Variants in DYNLRB1 observed in about 807,000 individuals in gnomAD.
The protein encoded by DYNLRB1 is dynein light chain roadblock-type 1.
DYNLRB1 carries 6 observed loss-of-function variants against 13.5 expected under a neutral mutation model. The ratio of observed to expected loss-of-function variants is 0.44; its 90% CI spans 0.24 to 0.88. The LOEUF (loss-of-function observed/expected upper bound fraction) is 0.88, where lower values mean the gene tolerates loss of function less well. DYNLRB1 is among the 40% of genes least tolerant of loss of function. The probability of loss-of-function intolerance (pLI) is 0.21; values close to 1 mark genes in which losing one functional copy is unlikely to be tolerated. For missense variants in DYNLRB1, 93 were observed against 127.2 expected, an observed-to-expected ratio of 0.73 and a Z score of 1.29; for synonymous variants, 43 against 45.0, an observed-to-expected ratio of 0.96 and a Z score of 0.18.
At position 34,540,284 on chromosome 20, in the gene DYNLRB1, A is replaced by G. The variant is rs199962410; in HGVS notation, c.248-297A>G. Among the ~76,000 whole-genome samples, 39 of 152,314 alleles carry G rather than the reference A, an allele frequency of 2.6e-4. No homozygotes were observed. The East Asian group carries it at 4.8e-3, about 19-fold the overall frequency. On this transcript the variant is annotated intron_variant, in intron 3 of 3. Coordinates refer to ENST00000357156, the MANE Select transcript of DYNLRB1 (RefSeq NM_014183.4). ...ACTGGAGTCCCCCCACCTGGAAAAC[A>G]GGGGTGAGAATCCTGCCTACCTGCT...
In DYNLRB1 at chr20:34,534,637, T is replaced by C; in HGVS notation, c.89T>C (p.Ile30Thr). Reference protein sequence around the residue: ...IIVVNTEGIPIKSTMDNPTTT... With the variant: ...IIVVNTEGIPTKSTMDNPTTT... ...TCTGCTCTCCCCTCAGGCATTCCCA[T>C]CAAGAGCACCATGGACAACCCCACC... The change falls in exon 3 of 4, where the codon ATC becomes ACC. Residue 30 changes from isoleucine (I) to threonine (T), a missense_variant. Ile to Thr is a moderately conservative substitution (Grantham distance 89). Transcript: ENST00000357156. 1 of 1,565,432 alleles carries C rather than the reference T, an allele frequency of 6.4e-7. No individual in the cohort carries two copies. The highest frequency in any genetic ancestry group is 8.7e-7 in the Non-Finnish European group (1 of 1,155,304).
chr20:34,536,347 G>A (rs1981139272), intron 3 of DYNLRB1: 1 of 985,366 alleles, frequency 1.0e-6, no homozygotes, highest in African/African-American at 1.7e-5. Context: ...CTGGTTGAGT[G>A]TGTTGACCTG....
intron 1 of DYNLRB1, among the ~76,000 whole-genome samples, chr20:34,525,585 G>A (rs951400528): frequency 6.6e-6 from 1 of 152,164 alleles, no homozygotes; most frequent in African/African-American, 2.4e-5. Context: ...AAGATGTAGA[G>A]ATAGGGAGGT....
chr20:34,537,358 A>G (rs1981227093), intron 3 of DYNLRB1, among the ~76,000 whole-genome samples: 1 of 152,184 alleles, frequency 6.6e-6, no homozygotes, highest in Non-Finnish European at 1.5e-5. Flanking sequence ...TTTTAAGGCC[A>G]TCTACTCCAC....
At chr20:34,526,485 CTTTTTTTTTTTTTT>C in intron 2 of DYNLRB1, 142 bp downstream of exon 2, 1 of 238,002 alleles carries the variant, frequency 4.2e-6, no homozygotes, top group Non-Finnish European at 7.3e-6. Context: ...CTCCAGTGTT[CTTTTTTTTTTTTTT>C]TTTTTTTTCA....
chr20:34,516,422 A>C lies in DYNLRB1; in HGVS notation c.-37A>C, dbSNP rs771970458. 6.2e-7 allele frequency: 1 copy of C among 1,612,132 alleles called. No homozygotes were observed. Among genetic ancestry groups the C allele is most frequent in the Non-Finnish European group, 8.5e-7 (1 of 1,178,848 alleles). ...GGCGCAGAAAGGCACAGGACTCGCT[A>C]AGTGTTCGCTACGCGGGGCTACCGG... On this transcript the variant is annotated 5_prime_UTR_variant, in exon 1 of 4. Coordinates refer to ENST00000357156, the MANE Select transcript of DYNLRB1 (RefSeq NM_014183.4).
upstream of DYNLRB1, chr20:34,516,371 T>A (rs545321461): frequency 6.3e-7 from 1 of 1,575,928 alleles, no homozygotes; most frequent in African/African-American, 1.4e-5. Context: ...GCTAGAGCTG[T>A]CCGTTTTGAC....
intron 1 of DYNLRB1, among the ~76,000 whole-genome samples, chr20:34,522,384 A>C (rs1036302775): frequency 1.6e-4 from 24 of 151,574 alleles, no homozygotes; most frequent in African/African-American, 5.8e-4. Flanking sequence ...GAGTAGGGAA[A>C]TTATACCTAT....
At chr20:34,529,796 C>A in intron 2 of DYNLRB1, 1 of 1,337,686 alleles carries the variant, frequency 7.5e-7, no homozygotes, top group Non-Finnish European at 9.7e-7. Flanking sequence ...CTAGACAGAA[C>A]GTGCTCCCCA....
At chr20:34,533,583 G>A (rs1980881790) in intron 2 of DYNLRB1, 1 of 883,548 alleles carries the variant, frequency 1.1e-6, no homozygotes, top group Non-Finnish European at 1.4e-6. Context: ...CACTTTGGAA[G>A]GCCGAGGCGG....
chr20:34,540,662 A>G lies in DYNLRB1; in HGVS notation c.*38A>G, dbSNP rs775979731. On this transcript the variant is annotated 3_prime_UTR_variant, in exon 4 of 4. Transcript: ENST00000357156. Reference sequence around the variant, plus strand: ...GCTCCCTGTGTCATTCCTTAATTTAATGCCCCCCAAGAATGTTAATGTCAA... The same window carrying G: ...GCTCCCTGTGTCATTCCTTAATTTAGTGCCCCCCAAGAATGTTAATGTCAA... 1 of 1,601,148 alleles carries G rather than the reference A, an allele frequency of 6.2e-7. No homozygotes were observed. The highest frequency in any genetic ancestry group is 1.3e-5 in the African/African-American group (1 of 74,572).
chr20:34,531,471 C>T (rs1018022431), intron 2 of DYNLRB1, among the ~76,000 whole-genome samples: 6 of 152,184 alleles, frequency 3.9e-5, no homozygotes, highest in South Asian at 2.1e-4. Flanking sequence ...AATTTCTTCC[C>T]GGTTTTGGTC....
intron 3 of DYNLRB1, chr20:34,535,361 A>C (rs1981061540): frequency 3.0e-6 from 3 of 985,144 alleles, no homozygotes; most frequent in Non-Finnish European, 3.6e-6. Context: ...GCCGCACGGG[A>C]GCAGATTGCT....
At chr20:34,525,506 G>T (rs1980121585) in intron 1 of DYNLRB1, among the ~76,000 whole-genome samples, 1 of 152,196 alleles carries the variant, frequency 6.6e-6, no homozygotes, top group African/African-American at 2.4e-5. Context: ...CTTCGCGGAG[G>T]AGATGATGTC....
intron 3 of DYNLRB1, chr20:34,536,295 G>A (rs1445371356): frequency 7.1e-6 from 7 of 985,262 alleles, no homozygotes; most frequent in Non-Finnish European, 7.2e-6. Flanking sequence ...GTAAAGTGTC[G>A]AGTAGGGGAC....
intron 3 of DYNLRB1, chr20:34,536,141 A>C: frequency 3.0e-6 from 3 of 985,462 alleles, no homozygotes; most frequent in Non-Finnish European, 3.6e-6. Context: ...TCCAGAGTCT[A>C]TTATTCCAAA....
intron 1 of DYNLRB1, among the ~76,000 whole-genome samples, chr20:34,524,553 C>T (rs1774087260): frequency 6.6e-6 from 1 of 152,142 alleles, no homozygotes; most frequent in African/African-American, 2.4e-5. Context: ...TATTGTGCCC[C>T]ACTCCTCCCT....
At chr20:34,535,563 A>G (rs1029030083) in intron 3 of DYNLRB1, 1 of 886,552 alleles carries the variant, frequency 1.1e-6, no homozygotes, top group African/African-American at 1.8e-5. Flanking sequence ...TCACTCATGG[A>G]CTGGGGTGGC....
intron 1 of DYNLRB1, among the ~76,000 whole-genome samples, chr20:34,523,501 C>T (rs1979927058): frequency 6.6e-6 from 1 of 152,128 alleles, no homozygotes; most frequent in South Asian, 2.1e-4. Context: ...TTGCTTTTCC[C>T]CCTGAACATA....
Sources: allele counts gnomAD v4.1 joint callset (sites outside exome capture counted in the v4.1 genomes callset), GRCh38; gene constraint gnomAD v4.1.1; transcripts MANE v1.5; gene names NCBI Gene and HGNC (gene_info 2026-07-23, HGNC 2026-07-21).